DAB2IP: variants seen among roughly 807,000 people sequenced by gnomAD.
DAB2IP encodes the protein disabled homolog 2-interacting protein.
In DAB2IP, 28 loss-of-function variants were observed where a neutral mutation model predicts 107.2. That is an observed-to-expected ratio of 0.26 (90% CI 0.19 to 0.36). The LOEUF (loss-of-function observed/expected upper bound fraction) is 0.36. Among genes scored for constraint, DAB2IP ranks in the 10% least tolerant of loss-of-function variants. DAB2IP has a pLI of 1.00. For missense variants in DAB2IP, 1,400 were observed against 1,644.7 expected (o/e 0.85, Z 2.57); for synonymous variants, 755 against 706.4 (o/e 1.07, Z -1.09).
At chr9:121,705,723 C>A (rs147276416) in intron 3 of DAB2IP, among the ~76,000 whole-genome samples, 1 of 152,302 alleles carries the variant, frequency 6.6e-6, no homozygotes, top group East Asian at 1.9e-4. Flanking sequence ...CTTTGCCTCC[C>A]CTCTCACCTT....
chr9:121,583,718 C>T (rs1830254061), intron 1 of DAB2IP, among the ~76,000 whole-genome samples: 1 of 152,168 alleles, frequency 6.6e-6, no homozygotes, highest in African/African-American at 2.4e-5. Flanking sequence ...ACCTGCCATC[C>T]GTGGATCCCA....
intron 1 of DAB2IP, among the ~76,000 whole-genome samples, chr9:121,641,895 T>TTCTTTC (rs1165448168): frequency 2.4e-4 from 16 of 66,060 alleles, no homozygotes; most frequent in South Asian, 1.8e-3. Flanking sequence ...TTCTTTCCCT[T>TTCTTTC]TCTTTCTTTC....
chr9:121,683,258 G>A (rs1374522743), intron 2 of DAB2IP, among the ~76,000 whole-genome samples: 11 of 152,156 alleles, frequency 7.2e-5, no homozygotes. Flanking sequence ...CAGAGGAGCC[G>A]TGGTTTGATT....
At chr9:121,706,924 G>A (rs1489137520) in intron 3 of DAB2IP, among the ~76,000 whole-genome samples, 1 of 152,200 alleles carries the variant, frequency 6.6e-6, no homozygotes, top group Non-Finnish European at 1.5e-5. Context: ...GGGAAACAGG[G>A]TCCATCCCCA....
rs568729549 is a variant in DAB2IP, at chr9:121,696,173, T to C, written c.229-3152T>C. ...CGTGAGCCACCATGCCTGGCAACTT[T>C]ATCCACTTTTATCTGCCAATTTAAT... is the stretch of plus-strand genomic sequence containing the variant. On this transcript the variant is annotated intron_variant, in intron 2 of 15. Transcript: ENST00000408936. Among the ~76,000 whole-genome samples the C allele has an allele frequency of 3.3e-5, 5 of 152,286 alleles. No individual in the cohort carries two copies. The East Asian group carries it at 9.7e-4, about 29-fold the overall frequency.
At chr9:121,650,871 G>T (rs994298891), upstream of DAB2IP, among the ~76,000 whole-genome samples, 1 of 152,138 alleles carries the variant, frequency 6.6e-6, no homozygotes, top group African/African-American at 2.4e-5. Context: ...GGCTGGAGGG[G>T]ACTTTGGTTG....
At chr9:121,763,047 C>G (rs1834005496) in intron 6 of DAB2IP, among the ~76,000 whole-genome samples, 1 of 152,200 alleles carries the variant, frequency 6.6e-6, no homozygotes, top group Non-Finnish European at 1.5e-5. Flanking sequence ...GGTGTGGGAG[C>G]CCCCACCAGA....
intron 3 of DAB2IP, chr9:121,751,905 CT>C: frequency 1.0e-6 from 1 of 985,280 alleles, no homozygotes; most frequent in Non-Finnish European, 1.2e-6. Flanking sequence ...ATGGCCTTGG[CT>C]GTCCCGTGTG....
intron 3 of DAB2IP, among the ~76,000 whole-genome samples, chr9:121,732,449 C>T (rs545940344): frequency 5.3e-5 from 8 of 152,084 alleles, no homozygotes; most frequent in East Asian, 3.9e-4. Context: ...GGAGGTGATG[C>T]GACCAGGCTG....
rs1456030896 is a variant in DAB2IP at position 121,651,711 on chromosome 9, C to G, written c.-65C>G. The G allele has an allele frequency of 3.4e-6, 4 of 1,168,486 alleles. No individual in the cohort carries two copies. The South Asian group carries it at 1.7e-4, about 48-fold the overall frequency. 72.4% of individuals were successfully genotyped at this position (1,168,486 alleles called of 1,614,324 possible). Reference sequence around the variant, plus strand: ...ACGCGTGGGCGCCCGCCGGGCTGTCCGGAGCGGCCGATGGGGCCCGTGTGA... The same window carrying G: ...ACGCGTGGGCGCCCGCCGGGCTGTCGGGAGCGGCCGATGGGGCCCGTGTGA... On this transcript the variant is annotated 5_prime_UTR_variant, in exon 1 of 16. Transcript: ENST00000408936. The surrounding 1 kb of genome is among the most constrained non-coding windows in gnomAD (Gnocchi z 5.1).
Position 121,763,731 on chromosome 9 carries a change from A to G in DAB2IP, c.1316-4A>G, listed in dbSNP as rs1587979201. On this transcript the variant is annotated splice_polypyrimidine_tract_variant and splice_region_variant and intron_variant, in intron 7 of 15. Coordinates refer to ENST00000408936, the Ensembl canonical transcript of DAB2IP. ...CTCCCCACTCCCTGCCCACTTGTCC[A>G]TAGGTGAGTTCATCAAAGCGCTGTA... 3.1e-6 allele frequency: 5 copies of G among 1,613,758 alleles called. No homozygotes were observed. In the Admixed American group the frequency reaches 6.7e-5, roughly 22 times the overall value.
chr9:121,684,585 A>G lies in DAB2IP; in HGVS notation c.228+5804A>G, dbSNP rs1828765751. ...AGGCCCCAGCCCCAGCTGTAGAGGG[A>G]CCCGAAGTTTGGGCTGCGGGCTGCC... On this transcript the variant is annotated intron_variant, in intron 2 of 15. Coordinates refer to ENST00000408936, the Ensembl canonical transcript of DAB2IP. This position sits in a 1 kb window ranked among gnomAD's most constrained non-coding sequence, Gnocchi z 4.0. 6.6e-6 allele frequency among the ~76,000 whole-genome samples: 1 copy of G among 152,060 alleles called. No individual in the cohort carries two copies.
At chr9:121,626,639 G>GT (rs1486572942) in intron 1 of DAB2IP, among the ~76,000 whole-genome samples, 2 of 151,936 alleles carry the variant, frequency 1.3e-5, no homozygotes, top group Middle Eastern at 3.4e-3. Flanking sequence ...GGCTAGGCTG[G>GT]TCTCAAACTC....
At chr9:121,727,959 G>A (rs1037896025) in intron 3 of DAB2IP, among the ~76,000 whole-genome samples, 1 of 152,172 alleles carries the variant, frequency 6.6e-6, no homozygotes, top group Non-Finnish European at 1.5e-5. Flanking sequence ...CAGCTGCTCA[G>A]TGTTGTCTTT....
chr9:121,578,967 C>G (rs1000688536), intron 1 of DAB2IP, among the ~76,000 whole-genome samples: 7 of 151,980 alleles, frequency 4.6e-5, no homozygotes, highest in Non-Finnish European at 2.9e-5. Flanking sequence ...TCTGAACGGG[C>G]CCACCAGTGG....
In DAB2IP at chr9:121,668,447, C is replaced by T. The variant is rs115966834; in HGVS notation, c.125-10231C>T. Among the ~76,000 whole-genome samples the T allele has an allele frequency of 3.5e-3, 526 of 152,308 alleles. 3 individuals carry two copies. The highest frequency in any genetic ancestry group is 0.012 in the African/African-American group (498 of 41,562). ...GAGATGGTGGTCTCGCTGTGTTACC[C>T]AGGCTGGTCTTGAACTCCTGGCCTC... On this transcript the variant is annotated intron_variant, in intron 1 of 15. Transcript: ENST00000408936.
chr9:121,759,048 A>G (rs777147346), intron 5 of DAB2IP, 52 bp downstream of exon 5: 5 of 1,543,298 alleles, frequency 3.2e-6, no homozygotes, highest in Non-Finnish European at 4.4e-6. Context: ...GTAGGCTCAG[A>G]TAGGAGGAAA....
Position 121,677,755 on chromosome 9 carries a change from G to A in DAB2IP, c.125-923G>A, listed in dbSNP as rs1437856943. ...TGGGTCACTGCAACTTTCGCCTCCC[G>A]GGTTCAAGTGATTCTCCCACCTCAG... On this transcript the variant is annotated intron_variant, in intron 1 of 15. Transcript: ENST00000408936. Among the ~76,000 whole-genome samples the A allele has an allele frequency of 4.6e-5, 7 of 151,934 alleles. No homozygotes were observed. The East Asian group carries it at 9.7e-4, about 21-fold the overall frequency.
exon 10 of DAB2IP, chr9:121,768,502 C>A: frequency 1.2e-6 from 2 of 1,614,206 alleles, no homozygotes; most frequent in Non-Finnish European, 1.7e-6. Context: ...CAACATGCAG[C>A]GCTTCCTGCT....
Sources: gnomAD v4.1 joint callset for allele counts (sites outside exome capture counted in the v4.1 genomes callset) on GRCh38, gnomAD v4.1.1 for gene constraint, Gnocchi (gnomAD v3.1) non-coding constraint, MANE v1.5 for transcripts, NCBI Gene and HGNC (gene_info 2026-07-23, HGNC 2026-07-21) for gene names.